Variants in RPS6KC1 observed in about 807,000 individuals in gnomAD.
RPS6KC1 encodes ribosomal protein S6 kinase C1, also known as inactive ribosomal protein S6 kinase delta-1.
RPS6KC1 carries 54 observed loss-of-function variants against 103.8 expected under a neutral mutation model. That is an observed-to-expected ratio of 0.52 (90% confidence interval 0.42 to 0.65). The LOEUF (loss-of-function observed/expected upper bound fraction) is 0.65, where lower values mean the gene tolerates loss of function less well. Ranked by LOEUF, RPS6KC1 falls within the 30% of genes least tolerant of loss-of-function variation. The pLI, the probability that RPS6KC1 is intolerant of heterozygous loss-of-function variation, is 0.00. For missense variants in RPS6KC1, 1,151 were observed against 1,253.8 expected (o/e 0.92, Z 1.24); for synonymous variants, 439 against 438.7 (o/e 1.00, Z -0.01).
At chr1:213,830,691 A>G in the RPS6KC1 span, among the ~76,000 whole-genome samples, 1 of 150,900 alleles carries the variant, frequency 6.6e-6, no homozygotes, top group African/African-American at 2.4e-5. Context: ...AAAAAAAAAA[A>G]CTCTCAAAAC....
the RPS6KC1 span, among the ~76,000 whole-genome samples, chr1:213,408,821 T>C: frequency 1.3e-5 from 2 of 152,232 alleles, no homozygotes; most frequent in Non-Finnish European, 2.9e-5. Flanking sequence ...CACAGTGTGA[T>C]ATCTAGCAAG....
chr1:213,179,039 TA>T (rs2092084362), intron 8 of RPS6KC1, among the ~76,000 whole-genome samples: 1 of 152,068 alleles, frequency 6.6e-6, no homozygotes, highest in African/African-American at 2.4e-5. Context: ...TTAGTAGAGA[TA>T]AGGGAATATG....
the RPS6KC1 span, among the ~76,000 whole-genome samples, chr1:213,298,967 T>A: frequency 1.3e-5 from 2 of 152,190 alleles, no homozygotes; most frequent in Admixed American, 6.5e-5. Flanking sequence ...TCATCTTTGA[T>A]CTATTCAGTG....
the RPS6KC1 span, chr1:213,821,669 C>T: frequency 2.0e-5 from 3 of 152,314 alleles, no homozygotes; most frequent in Non-Finnish European, 2.9e-5. Context: ...GCAAAGATGC[C>T]TTCTCCACTG....
the RPS6KC1 span, among the ~76,000 whole-genome samples, chr1:213,760,757 C>A: frequency 1.3e-5 from 2 of 151,310 alleles, no homozygotes; most frequent in East Asian, 2.0e-4. Context: ...TCTTGTAGAT[C>A]TAGCCTTCTG....
chr1:213,793,199 C>T, the RPS6KC1 span, among the ~76,000 whole-genome samples: 359 of 152,196 alleles, frequency 2.4e-3, 1 homozygote, highest in African/African-American at 7.7e-3. Context: ...TGTAATCTAC[C>T]GCAGCTGAAG....
the RPS6KC1 span, among the ~76,000 whole-genome samples, chr1:213,500,604 A>G: frequency 6.6e-6 from 1 of 152,216 alleles, no homozygotes; most frequent in Non-Finnish European, 1.5e-5. Flanking sequence ...GTTTGTTTAC[A>G]CTGTTATCAC....
chr1:213,846,075 G>A, the RPS6KC1 span, among the ~76,000 whole-genome samples: 1 of 149,760 alleles, frequency 6.7e-6, no homozygotes, highest in African/African-American at 2.5e-5. Flanking sequence ...GGTGGATCAC[G>A]AGGTCAGGAG....
the RPS6KC1 span, among the ~76,000 whole-genome samples, chr1:213,343,567 G>A: frequency 1.3e-5 from 2 of 151,160 alleles, no homozygotes; most frequent in Non-Finnish European, 3.0e-5. Context: ...AACGTTGTAT[G>A]TTCTCACTCA....
chr1:213,804,193 A>C, the RPS6KC1 span, among the ~76,000 whole-genome samples: 77 of 150,908 alleles, frequency 5.1e-4, no homozygotes, highest in South Asian at 9.4e-3. Context: ...AAAAAAAAAA[A>C]AAAAACAACC....
the RPS6KC1 span, among the ~76,000 whole-genome samples, chr1:213,378,631 A>C: frequency 2.8e-4 from 43 of 152,344 alleles, 1 homozygote; most frequent in East Asian, 7.1e-3. Flanking sequence ...TTATTTAATA[A>C]ATAAATGATG....
the RPS6KC1 span, among the ~76,000 whole-genome samples, chr1:213,762,675 T>C: frequency 6.6e-6 from 1 of 152,190 alleles, no homozygotes. Flanking sequence ...TTTCTAAGAA[T>C]AGAAAATACC....
chr1:213,381,824 T>A, the RPS6KC1 span, among the ~76,000 whole-genome samples: 2 of 152,190 alleles, frequency 1.3e-5, no homozygotes, highest in African/African-American at 4.8e-5. Context: ...AAGCCTGCAG[T>A]GGGCGAGTCG....
At chr1:213,516,530 G>A in the RPS6KC1 span, among the ~76,000 whole-genome samples, 254 of 152,220 alleles carry the variant, frequency 1.7e-3, 1 homozygote, top group African/African-American at 5.9e-3. Context: ...GCTGGATTAC[G>A]TTTATTGATT....
the RPS6KC1 span, chr1:213,492,669 GA>G: frequency 2.0e-5 from 3 of 152,264 alleles, no homozygotes; most frequent in African/African-American, 7.2e-5. Context: ...CACCGATAGA[GA>G]AATGTCCTTT....
the RPS6KC1 span, among the ~76,000 whole-genome samples, chr1:213,670,487 T>C: frequency 2.0e-5 from 3 of 152,206 alleles, no homozygotes; most frequent in Non-Finnish European, 1.5e-5. Context: ...AAGATCTGAT[T>C]TGTGATAGAT....
intron 12 of RPS6KC1, among the ~76,000 whole-genome samples, chr1:213,258,038 G>A (rs1292423395): frequency 3.3e-5 from 5 of 151,920 alleles, no homozygotes; most frequent in Non-Finnish European, 7.4e-5. Flanking sequence ...CTGGAATGCC[G>A]TGGCATGATC....
chr1:213,226,016 G>T (rs1451750083), intron 8 of RPS6KC1, among the ~76,000 whole-genome samples: 1 of 151,966 alleles, frequency 6.6e-6, no homozygotes, highest in African/African-American at 2.4e-5. Context: ...GAGGTCGGGA[G>T]ATTGAGACTA....
chr1:213,737,459 G>A, the RPS6KC1 span, among the ~76,000 whole-genome samples: 1 of 152,194 alleles, frequency 6.6e-6, no homozygotes, highest in Non-Finnish European at 1.5e-5. Context: ...GTTTACCTTG[G>A]AGTTACATGT....
Sources: allele counts gnomAD v4.1 joint callset (sites outside exome capture counted in the v4.1 genomes callset), GRCh38; gene constraint gnomAD v4.1.1; transcripts MANE v1.5; gene names NCBI Gene and HGNC (gene_info 2026-07-23, HGNC 2026-07-21).